CTDP1: variants seen among roughly 807,000 people sequenced by gnomAD.
CTDP1 encodes RNA polymerase II subunit A C-terminal domain phosphatase.
A neutral mutation model predicts 91.8 loss-of-function variants in CTDP1; 47 were observed. That is an observed-to-expected ratio of 0.51 (90% confidence interval 0.41 to 0.65). The LOEUF is 0.65. Ranked by LOEUF, CTDP1 falls within the 30% of genes least tolerant of loss-of-function variation. The pLI, the probability that CTDP1 is intolerant of heterozygous loss-of-function variation, is 0.00. For missense variants in CTDP1, 1,272 were observed against 1,373.7 expected, an observed-to-expected ratio of 0.93 and a Z score of 1.17; for synonymous variants, 656 against 598.5, an observed-to-expected ratio of 1.10 and a Z score of -1.40.
chr18:79,724,242 TC>T (rs1317148110), intron 10 of CTDP1, among the ~76,000 whole-genome samples: 6 of 152,288 alleles, frequency 3.9e-5, no homozygotes, highest in African/African-American at 1.2e-4. Context: ...AATTCAAAAA[TC>T]CAAAATCGGA....
rs2085315521 is a variant in CTDP1, at chr18:79,679,826, G to C, written c.-122G>C. On this transcript the variant is annotated 5_prime_UTR_variant, in exon 1 of 13. Coordinates refer to ENST00000613122, the MANE Select transcript of CTDP1 (RefSeq NM_004715.5). ...GGAAGTCGGCGCGGGCTAGGCGACG[G>C]GTGGAAGCCGGTACCGAGAGGAACT... 1.0e-6 allele frequency: 1 copy of C among 980,188 alleles called. No individual in the cohort carries two copies. Among genetic ancestry groups the C allele is most frequent in the South Asian group, 1.7e-5 (1 of 59,118 alleles). 60.7% of individuals were successfully genotyped at this position (980,188 alleles called of 1,614,324 possible).
At chr18:79,718,395 G>A (rs775833114) in intron 10 of CTDP1, among the ~76,000 whole-genome samples, 44 of 152,130 alleles carry the variant, frequency 2.9e-4, no homozygotes, top group Non-Finnish European at 5.7e-4. Context: ...GCTCTCCGCC[G>A]GCTCCACGTT....
intron 1 of CTDP1, chr18:79,681,498 G>T (rs1187506690): frequency 1.0e-6 from 1 of 985,216 alleles, no homozygotes; most frequent in African/African-American, 1.7e-5. Context: ...GTACAGAAAG[G>T]GCTGCTTTGG....
At chr18:79,717,202 G>C (rs1016014397) in intron 8 of CTDP1, among the ~76,000 whole-genome samples, 3 of 149,980 alleles carry the variant, frequency 2.0e-5, no homozygotes, top group African/African-American at 7.4e-5. Flanking sequence ...GGGTGTAGCC[G>C]GGTGGGGGCC....
intron 12 of CTDP1, among the ~76,000 whole-genome samples, chr18:79,750,314 T>C (rs7229300): frequency 0.24 from 36,279 of 151,582 alleles, 5,393 homozygotes; most frequent in South Asian, 0.33. Context: ...GCCTCCCAAA[T>C]AGCTGGGACT....
intron 8 of CTDP1, 33 bp from the exon 9 acceptor site, chr18:79,717,502 C>T (rs556033634): frequency 8.3e-5 from 133 of 1,610,370 alleles, no homozygotes; most frequent in South Asian, 2.5e-4. Context: ...CAGTGCTGGC[C>T]GGAACAGCCT....
intron 12 of CTDP1, among the ~76,000 whole-genome samples, chr18:79,737,494 C>T (rs913020860): frequency 2.0e-5 from 3 of 152,180 alleles, no homozygotes; most frequent in Non-Finnish European, 4.4e-5. Flanking sequence ...TCATCTTTCT[C>T]CACTAATCGG....
At chr18:79,745,241 C>T (rs961451950) in intron 12 of CTDP1, among the ~76,000 whole-genome samples, 2 of 145,154 alleles carry the variant, frequency 1.4e-5, no homozygotes, top group African/African-American at 5.3e-5. Context: ...TTGTGCGTCC[C>T]TCCCATGCGC....
chr18:79,695,341 C>A (rs1170316013), intron 2 of CTDP1, 33 bp downstream of exon 2: 2 of 1,600,428 alleles, frequency 1.2e-6, no homozygotes, highest in Admixed American at 3.3e-5. Flanking sequence ...TCGCTGCCTG[C>A]TGGGGCTCGA....
intron 11 of CTDP1, among the ~76,000 whole-genome samples, chr18:79,731,927 T>G (rs1429146321): frequency 6.6e-6 from 1 of 151,264 alleles, no homozygotes; most frequent in Non-Finnish European, 1.5e-5. Context: ...ATGTAAGAAC[T>G]CACATTAGGA....
At chr18:79,719,130 T>G (rs529106946) in intron 10 of CTDP1, among the ~76,000 whole-genome samples, 1 of 152,240 alleles carries the variant, frequency 6.6e-6, no homozygotes, top group Non-Finnish European at 1.5e-5. Context: ...CCCAGCCGGC[T>G]TTCGGGAGAG....
intron 1 of CTDP1, among the ~76,000 whole-genome samples, chr18:79,689,320 C>A (rs2085571705): frequency 6.6e-6 from 1 of 152,184 alleles, no homozygotes; most frequent in South Asian, 2.1e-4. Flanking sequence ...AATTCAGTAT[C>A]TTGAAAGAGA....
intron 12 of CTDP1, among the ~76,000 whole-genome samples, chr18:79,738,976 G>A (rs1178535614): frequency 5.9e-5 from 9 of 152,150 alleles, no homozygotes; most frequent in African/African-American, 1.7e-4. Context: ...TTCACTTTTC[G>A]GTGTAGACCC....
At chr18:79,686,714 T>C (rs551137143) in intron 1 of CTDP1, among the ~76,000 whole-genome samples, 18 of 152,396 alleles carry the variant, frequency 1.2e-4, no homozygotes, top group African/African-American at 4.1e-4. Context: ...TTGTGCTGAC[T>C]ATAGACTGGC....
At chr18:79,685,282 G>A (rs1217923238) in intron 1 of CTDP1, 6 of 152,208 alleles carry the variant, frequency 3.9e-5, no homozygotes, top group Admixed American at 1.3e-4. Flanking sequence ...TATTCTGACA[G>A]GTCACCATCT....
chr18:79,695,604 C>T, intron 2 of CTDP1, among the ~76,000 whole-genome samples: 1 of 152,210 alleles, frequency 6.6e-6, no homozygotes, highest in East Asian at 1.9e-4. Context: ...CTGGAGCAGC[C>T]CCTCCCTCTG....
At chr18:79,711,199 G>A (rs1035072883) in intron 6 of CTDP1, among the ~76,000 whole-genome samples, 6 of 152,102 alleles carry the variant, frequency 3.9e-5, no homozygotes, top group African/African-American at 7.2e-5. Context: ...GCACTGATTC[G>A]ATGTCAGCCC....
intron 10 of CTDP1, among the ~76,000 whole-genome samples, chr18:79,725,711 G>A (rs570530417): frequency 6.6e-6 from 1 of 151,860 alleles, no homozygotes; most frequent in Non-Finnish European, 1.5e-5. Flanking sequence ...CTTCCCTCCC[G>A]ACCTGACCTG....
intron 6 of CTDP1, among the ~76,000 whole-genome samples, chr18:79,711,534 G>A (rs1171171753): frequency 6.6e-6 from 1 of 152,204 alleles, no homozygotes; most frequent in African/African-American, 2.4e-5. Context: ...AGAGGAATGT[G>A]AATAGCCCCA....
Sources: gnomAD v4.1 joint callset for allele counts (sites outside exome capture counted in the v4.1 genomes callset) on GRCh38, gnomAD v4.1.1 for gene constraint, MANE v1.5 for transcripts, NCBI Gene and HGNC (gene_info 2026-07-23, HGNC 2026-07-21) for gene names.